DNAH9: variants seen among roughly 807,000 people sequenced by gnomAD.
The protein encoded by DNAH9 is DNAH9 variant protein.
DNAH9 carries 345 observed loss-of-function variants against 471.6 expected under a neutral mutation model. That is an observed-to-expected ratio of 0.73 (90% CI 0.67 to 0.80). The LOEUF is 0.80. Ranked by LOEUF, DNAH9 falls within the 30% of genes least tolerant of loss-of-function variation. DNAH9 has a pLI of 0.00. For synonymous variants in DNAH9, 2,093 were observed against 2,123.6 expected (o/e 0.99, Z 0.40); for missense variants, 5,407 against 5,609.2 (o/e 0.96, Z 1.15).
chr17:11,682,056 C>G (rs1456106627), intron 19 of DNAH9, among the ~76,000 whole-genome samples: 2 of 152,064 alleles, frequency 1.3e-5, no homozygotes, highest in Non-Finnish European at 2.9e-5. Context: ...CTGGTTTGTC[C>G]AGGATCGTTC....
intron 48 of DNAH9, among the ~76,000 whole-genome samples, chr17:11,827,730 G>C (rs907909070): frequency 1.3e-5 from 2 of 151,680 alleles, no homozygotes; most frequent in Non-Finnish European, 2.9e-5. Flanking sequence ...CTCTCACCCA[G>C]GCTGGTGTGC....
chr17:11,837,924 A>G (rs953123570), intron 49 of DNAH9, among the ~76,000 whole-genome samples: 13 of 152,094 alleles, frequency 8.5e-5, no homozygotes, highest in African/African-American at 3.1e-4. Context: ...TCATCTTCCA[A>G]CTATCTCCAT....
At chr17:11,670,498 T>C (rs73975044) in intron 17 of DNAH9, among the ~76,000 whole-genome samples, 30,018 of 152,106 alleles carry the variant, frequency 0.2, 3,286 homozygotes, top group African/African-American at 0.29. Context: ...GAGTGCTGGA[T>C]GAGACTGCAG....
In DNAH9 at chr17:11,856,767, T is replaced by G. The variant is rs374309742; in HGVS notation, c.9933+2339T>G. On this transcript the variant is annotated intron_variant, in intron 50 of 68. Transcript: ENST00000262442. ...TCCTCTCAATATGCTTGTTTTATAA[T>G]GCACATGTTCATGGACTAGTTTACT... Among the ~76,000 whole-genome samples the G allele has an allele frequency of 6.4e-4, 97 of 152,246 alleles. No individual in the cohort carries two copies. In the South Asian group the frequency reaches 9.3e-3, roughly 15 times the overall value.
chr17:11,639,621 G>A (rs2073230074), intron 9 of DNAH9, among the ~76,000 whole-genome samples: 1 of 152,272 alleles, frequency 6.6e-6, no homozygotes, highest in Non-Finnish European at 1.5e-5. Context: ...TTATAGATGT[G>A]AAAATTGAGA....
At chr17:11,719,552 C>T (rs1316350242) in intron 27 of DNAH9, 62 bp downstream of exon 27, 1 of 1,519,344 alleles carries the variant, frequency 6.6e-7, no homozygotes, top group African/African-American at 1.4e-5. Context: ...GGCACCAAAT[C>T]AAGGCTAAGA....
chr17:11,904,661 TG>T (rs1275691635), intron 60 of DNAH9, among the ~76,000 whole-genome samples: 4 of 110,516 alleles, frequency 3.6e-5, no homozygotes, highest in Non-Finnish European at 7.4e-5. Flanking sequence ...AAAAAAAGAA[TG>T]GGGAAGGAAT....
intron 30 of DNAH9, among the ~76,000 whole-genome samples, chr17:11,744,260 C>T (rs2075480090): frequency 6.6e-6 from 1 of 152,174 alleles, no homozygotes; most frequent in Non-Finnish European, 1.5e-5. Flanking sequence ...AGCTCCTTCC[C>T]ACACCATGCT....
intron 38 of DNAH9, among the ~76,000 whole-genome samples, chr17:11,773,900 C>T (rs1167818786): frequency 3.9e-5 from 6 of 151,930 alleles, no homozygotes; most frequent in African/African-American, 1.2e-4. Context: ...GAGGCTGAGG[C>T]GGGCAGATCA....
chr17:11,629,445 A>T lies in DNAH9; in HGVS notation c.1379A>T (p.His460Leu). Reference protein sequence around the residue: ...EGLLKTALDFHKLGKVEFSGV... With the variant: ...EGLLKTALDFLKLGKVEFSGV... ...CTTCTGAAGACGGCCCTGGATTTCC[A>T]CAAACTGGGAAAGGTGGAGTTCAGC... Residue 460 changes from histidine to leucine, a missense_variant, in exon 7 of 69, where the codon CAC becomes CTC. Coordinates refer to ENST00000262442, the MANE Select transcript of DNAH9 (RefSeq NM_001372.4). 1 of 1,614,130 alleles carries T rather than the reference A, an allele frequency of 6.2e-7. No individual in the cohort carries two copies. Among genetic ancestry groups the T allele is most frequent in the Non-Finnish European group, 8.5e-7 (1 of 1,179,990 alleles).
chr17:11,735,983 C>T (rs889637140), intron 28 of DNAH9, among the ~76,000 whole-genome samples: 1 of 152,150 alleles, frequency 6.6e-6, no homozygotes, highest in Admixed American at 6.5e-5. Context: ...TGTGGGGTTT[C>T]AGGCAAGTTT....
chr17:11,728,709 G>C (rs1477543044), intron 28 of DNAH9, among the ~76,000 whole-genome samples: 1 of 152,114 alleles, frequency 6.6e-6, no homozygotes, highest in African/African-American at 2.4e-5. Context: ...AGGGTGAAGG[G>C]GGGGAACGTT....
At chr17:11,863,881 T>C (rs1411496537) in intron 50 of DNAH9, among the ~76,000 whole-genome samples, 2 of 152,018 alleles carry the variant, frequency 1.3e-5, no homozygotes, top group African/African-American at 4.8e-5. Context: ...CCTTTATCAT[T>C]TTTTATTGCG....
At chr17:11,753,845 C>T (rs997418871) in intron 33 of DNAH9, among the ~76,000 whole-genome samples, 1 of 152,128 alleles carries the variant, frequency 6.6e-6, no homozygotes, top group Non-Finnish European at 1.5e-5. Context: ...TTGAGGGTAC[C>T]TGTGCAGGTT....
rs759034217 is a variant in DNAH9 at position 11,932,126 on chromosome 17, A to C, written c.12218A>C (p.Asn4073Thr). Residue 4073 changes from asparagine to threonine, a missense_variant, in exon 64 of 69, where the codon AAT becomes ACT. Asn to Thr is a moderately conservative substitution (Grantham distance 65). Around this residue, in one of 3 missense-constraint regions of DNAH9, gnomAD observed 4,636 missense variants for 4,900.3 expected, o/e 0.95. Coordinates refer to ENST00000262442, the MANE Select transcript of DNAH9 (RefSeq NM_001372.4). This position sits in a 1 kb window ranked among gnomAD's most constrained non-coding sequence, Gnocchi z 4.3. Reference sequence around the variant, plus strand: ...CGAAAATTTGGGCCCCAGGGATGGAATCGCTCATACCCCTTTAACACTGGA... The same window carrying C: ...CGAAAATTTGGGCCCCAGGGATGGACTCGCTCATACCCCTTTAACACTGGA... ...ERRKFGPQGWNRSYPFNTGDL... is the reference protein window; with the variant it reads ...ERRKFGPQGWTRSYPFNTGDL... 31 of 1,614,050 alleles carry C rather than the reference A, an allele frequency of 1.9e-5. No individual in the cohort carries two copies. The East Asian group carries it at 2.0e-4, about 10-fold the overall frequency.
At chr17:11,740,788 C>T (rs544336193) in intron 29 of DNAH9, among the ~76,000 whole-genome samples, 1 of 152,254 alleles carries the variant, frequency 6.6e-6, no homozygotes, top group South Asian at 2.1e-4. Flanking sequence ...AGTGAACCAA[C>T]TAGTAAGCGG....
chr17:11,930,741 G>GGCGACAGA (rs1974479485), intron 63 of DNAH9, among the ~76,000 whole-genome samples: 1 of 142,656 alleles, frequency 7.0e-6, no homozygotes, highest in South Asian at 2.2e-4. Context: ...CTCCAGCCTG[G>GGCGACAGA]GCGACAGAGT....
intron 49 of DNAH9, among the ~76,000 whole-genome samples, chr17:11,837,106 A>G (rs1970875744): frequency 6.6e-6 from 1 of 152,246 alleles, no homozygotes; most frequent in Non-Finnish European, 1.5e-5. Context: ...TGTCATAACC[A>G]GAATTATCAC....
chr17:11,826,663 C>T (rs1361642642), intron 48 of DNAH9, among the ~76,000 whole-genome samples: 1 of 149,880 alleles, frequency 6.7e-6, no homozygotes, highest in Non-Finnish European at 1.5e-5. Context: ...GGGGTTTCAC[C>T]GTGTTAGCCA....
Sources: allele counts gnomAD v4.1 joint callset (sites outside exome capture counted in the v4.1 genomes callset), GRCh38; gene constraint gnomAD v4.1.1; regional missense constraint gnomAD v4.1.1; non-coding constraint Gnocchi (gnomAD v3.1); transcripts MANE v1.5; gene names NCBI Gene and HGNC (gene_info 2026-07-23, HGNC 2026-07-21).